The following BBOX1 variants were observed in gnomAD, a reference collection of about 807,000 sequenced individuals.
BBOX1 encodes gamma-butyrobetaine hydroxylase 1.
BBOX1 carries 35 observed loss-of-function variants against 41.6 expected under a neutral mutation model. That is an observed-to-expected ratio of 0.84 (90% CI 0.64 to 1.11). The LOEUF is 1.11. BBOX1 is among the 50% of genes most tolerant of loss of function. The pLI is 0.00. For synonymous variants in BBOX1, 163 were observed against 154.7 expected, an observed-to-expected ratio of 1.05 and a Z score of -0.40; for missense variants, 458 against 460.6, an observed-to-expected ratio of 0.99 and a Z score of 0.05.
At chr11:27,108,117 T>G (rs1858930909) in intron 5 of BBOX1, among the ~76,000 whole-genome samples, 1 of 152,064 alleles carries the variant, frequency 6.6e-6, no homozygotes, top group Non-Finnish European at 1.5e-5. Context: ...AATAAATGTT[T>G]TATTATTCCC....
At position 27,055,424 on chromosome 11, in the gene BBOX1, C is replaced by G; in HGVS notation, c.-7C>G. The stretch of plus-strand genomic sequence containing the variant: ...GCTGACAGCATCTACTCCTGAAGAC[C>G]GGAAACATGGCTTGTACCATCCAAA... On this transcript the variant is annotated 5_prime_UTR_variant, in exon 3 of 9. Coordinates refer to ENST00000263182, the MANE Select transcript of BBOX1 (RefSeq NM_003986.3). 2 of 1,611,770 alleles carry G rather than the reference C, an allele frequency of 1.2e-6. No homozygotes were observed. Among genetic ancestry groups the G allele is most frequent in the East Asian group, 2.2e-5 (1 of 44,844 alleles).
chr11:27,078,501 TA>T (rs1590193216), intron 4 of BBOX1, among the ~76,000 whole-genome samples: 2 of 152,034 alleles, frequency 1.3e-5, no homozygotes, highest in East Asian at 3.9e-4. Context: ...TATGCAGCCA[TA>T]AAAAAGGATG....
At chr11:27,041,129 A>C (rs1851335186) in intron 1 of BBOX1, 87 bp from the exon 2 acceptor site, 1 of 152,016 alleles carries the variant, frequency 6.6e-6, no homozygotes, top group Admixed American at 6.6e-5. Flanking sequence ...ACAGTACTCA[A>C]AGTATTTTCT....
At chr11:27,043,329 C>T (rs1851394015) in intron 2 of BBOX1, among the ~76,000 whole-genome samples, 1 of 151,446 alleles carries the variant, frequency 6.6e-6, no homozygotes, top group Admixed American at 6.6e-5. Context: ...TCCCAAAGTG[C>T]TGGGATTACA....
chr11:27,071,102 C>T (rs376984682), intron 4 of BBOX1, among the ~76,000 whole-genome samples: 119 of 152,096 alleles, frequency 7.8e-4, no homozygotes, highest in African/African-American at 2.3e-3. Context: ...AGGTCAGGTG[C>T]GGTGGCTCAT....
chr11:27,086,874 T>C (rs1858062327), intron 4 of BBOX1, among the ~76,000 whole-genome samples: 1 of 152,076 alleles, frequency 6.6e-6, no homozygotes, highest in East Asian at 1.9e-4. Flanking sequence ...AGAAGTTGAT[T>C]TCAGCCCTCA....
Position 27,064,398 on chromosome 11 carries a change from T to C in BBOX1, c.334+7083T>C, listed in dbSNP as rs956722590. Reference sequence around the variant, plus strand: ...AAGTCACCCAAACTCATAACTCAGATACACAGGTGGGAGAATAGCTCACTG... The same window carrying C: ...AAGTCACCCAAACTCATAACTCAGACACACAGGTGGGAGAATAGCTCACTG... On this transcript the variant is annotated intron_variant, in intron 4 of 8. Transcript: ENST00000263182. Among the ~76,000 whole-genome samples the C allele has an allele frequency of 2.0e-5, 3 of 152,284 alleles. No individual in the cohort carries two copies. In the South Asian group the frequency reaches 6.2e-4, roughly 32 times the overall value.
intron 6 of BBOX1, among the ~76,000 whole-genome samples, chr11:27,118,789 T>A (rs1859354492): frequency 6.6e-6 from 1 of 151,860 alleles, no homozygotes; most frequent in Admixed American, 6.6e-5. Context: ...CATTAAAAAA[T>A]GATCTTTTTA....
intron 4 of BBOX1, among the ~76,000 whole-genome samples, chr11:27,080,107 CTG>C (rs1437748678): frequency 6.6e-6 from 1 of 152,054 alleles, no homozygotes; most frequent in Non-Finnish European, 1.5e-5. Flanking sequence ...ATTTACTGCA[CTG>C]TTTAATCCTA....
intron 4 of BBOX1, among the ~76,000 whole-genome samples, chr11:27,087,677 T>C (rs190186823): frequency 1.3e-5 from 2 of 152,144 alleles, no homozygotes; most frequent in African/African-American, 2.4e-5. Context: ...CAGGCCACTA[T>C]GAAGAATTTG....
At chr11:27,118,770 T>G (rs973290110) in intron 6 of BBOX1, among the ~76,000 whole-genome samples, 1 of 151,994 alleles carries the variant, frequency 6.6e-6, no homozygotes, top group Non-Finnish European at 1.5e-5. Flanking sequence ...CCTTGACATA[T>G]GTAAATAACA....
chr11:27,043,647 T>C (rs567884838), intron 2 of BBOX1, among the ~76,000 whole-genome samples: 1 of 152,276 alleles, frequency 6.6e-6, no homozygotes, highest in Admixed American at 6.5e-5. Flanking sequence ...CCTGTGTCCA[T>C]GTGTTCTCAT....
intron 4 of BBOX1, among the ~76,000 whole-genome samples, chr11:27,084,199 C>T (rs1388071237): frequency 6.6e-6 from 1 of 152,164 alleles, no homozygotes; most frequent in Non-Finnish European, 1.5e-5. Context: ...GTATATCCTA[C>T]AGTGTCCCTA....
At chr11:27,126,677 C>CTT (rs66505246) in intron 8 of BBOX1, among the ~76,000 whole-genome samples, 7,087 of 127,740 alleles carry the variant, frequency 0.055, 308 homozygotes, top group South Asian at 0.23. Context: ...TCTTTTTTTT[C>CTT]TTTTTTTTTT....
At chr11:27,094,414 T>C (rs543830279) in intron 5 of BBOX1, among the ~76,000 whole-genome samples, 41 of 152,126 alleles carry the variant, frequency 2.7e-4, no homozygotes, top group African/African-American at 9.9e-4. Flanking sequence ...GATGTTTGGT[T>C]TGGCCCACAT....
intron 8 of BBOX1, 69 bp downstream of exon 8, chr11:27,125,889 T>C: frequency 6.7e-7 from 1 of 1,496,088 alleles, no homozygotes; most frequent in South Asian, 1.3e-5. Context: ...CCTAGAATTA[T>C]ATCCAGAGCA....
At chr11:27,047,593 T>A (rs576536474) in intron 2 of BBOX1, among the ~76,000 whole-genome samples, 298 of 152,264 alleles carry the variant, frequency 2.0e-3, no homozygotes, top group Middle Eastern at 6.8e-3. Context: ...ATATATTTTT[T>A]AAAATGTATT....
At chr11:27,126,121 T>C (rs188203069) in intron 8 of BBOX1, among the ~76,000 whole-genome samples, 14 of 152,328 alleles carry the variant, frequency 9.2e-5, no homozygotes, top group Non-Finnish European at 1.5e-5. Flanking sequence ...AATAAAGTAG[T>C]ACCTAAAGTA....
chr11:27,090,324 G>T (rs539412922), intron 4 of BBOX1, among the ~76,000 whole-genome samples: 273 of 152,068 alleles, frequency 1.8e-3, no homozygotes, highest in Non-Finnish European at 3.0e-3. Context: ...TGCTGGGGGT[G>T]ACATCGCATA....
Sources: allele counts gnomAD v4.1 joint callset (sites outside exome capture counted in the v4.1 genomes callset), GRCh38; gene constraint gnomAD v4.1.1; transcripts MANE v1.5; gene names NCBI Gene and HGNC (gene_info 2026-07-23, HGNC 2026-07-21).